The following DOCK3 variants were observed in gnomAD, a reference collection of about 807,000 sequenced individuals.
The protein encoded by DOCK3 is dedicator of cytokinesis protein 3.
In DOCK3, 60 loss-of-function variants were observed where a neutral mutation model predicts 265.6. The ratio of observed to expected loss-of-function variants is 0.23; its 90% confidence interval spans 0.18 to 0.28. The LOEUF (loss-of-function observed/expected upper bound fraction) is 0.28. Among genes scored for constraint, DOCK3 ranks in the 10% least tolerant of loss-of-function variants. The probability of loss-of-function intolerance (pLI) is 1.00; values close to 1 mark genes in which losing one functional copy is unlikely to be tolerated. For synonymous variants in DOCK3, 881 were observed against 938.0 expected (o/e 0.94, Z 1.11); for missense variants, 1,981 against 2,594.3 (o/e 0.76, Z 5.14).
chr3:51,114,403 C>T (rs974268801), intron 9 of DOCK3, among the ~76,000 whole-genome samples: 7 of 152,152 alleles, frequency 4.6e-5, no homozygotes, highest in Admixed American at 6.5e-5. Flanking sequence ...TTATTTCACA[C>T]CAGCATCAAT....
intron 5 of DOCK3, among the ~76,000 whole-genome samples, chr3:50,981,524 C>T (rs572085732): frequency 6.1e-4 from 93 of 152,278 alleles, no homozygotes; most frequent in South Asian, 2.3e-3. Context: ...AATGATCCAT[C>T]CAATGCTGAG....
At chr3:51,047,928 A>G (rs2080841069) in intron 5 of DOCK3, among the ~76,000 whole-genome samples, 1 of 152,184 alleles carries the variant, frequency 6.6e-6, no homozygotes, top group South Asian at 2.1e-4. Flanking sequence ...AAAGACGCTA[A>G]AAGAAAAGAT....
intron 10 of DOCK3, among the ~76,000 whole-genome samples, chr3:51,152,236 T>C (rs2107406102): frequency 6.6e-6 from 1 of 152,338 alleles, no homozygotes; most frequent in East Asian, 1.9e-4. Context: ...CTTTATTTCA[T>C]TAATTTTATC....
chr3:51,149,396 G>C (rs920106670), intron 10 of DOCK3, among the ~76,000 whole-genome samples: 2 of 152,156 alleles, frequency 1.3e-5, no homozygotes, highest in African/African-American at 2.4e-5. Context: ...AGTGGTGAGA[G>C]AGGGCATCCC....
At chr3:50,854,591 A>ATTTTTTTTTTTTTTTTTT (rs1559726991) in intron 3 of DOCK3, among the ~76,000 whole-genome samples, 46 of 4,312 alleles carry the variant, frequency 0.011, 7 homozygotes, top group African/African-American at 0.016. Flanking sequence ...CCATCACACC[A>ATTTTTTTTTTTTTTTTTT]GTTTTTTTTT....
chr3:51,166,613 T>C (rs2086420192), intron 12 of DOCK3, among the ~76,000 whole-genome samples: 1 of 152,230 alleles, frequency 6.6e-6, no homozygotes, highest in Non-Finnish European at 1.5e-5. Context: ...CTTCACACTC[T>C]TGTCATCACT....
At chr3:51,146,730 C>A in intron 10 of DOCK3, 100 bp downstream of exon 10, 1 of 1,045,304 alleles carries the variant, frequency 9.6e-7, no homozygotes, top group Non-Finnish European at 1.4e-6. Context: ...GTCTTATTTC[C>A]ATATACACTG....
chr3:50,751,362 GTCA>G (rs1368695718), intron 1 of DOCK3, among the ~76,000 whole-genome samples: 2 of 151,664 alleles, frequency 1.3e-5, no homozygotes, highest in South Asian at 2.1e-4. Flanking sequence ...CTATCAACCC[GTCA>G]TCTAGGTTTT....
intron 23 of DOCK3, among the ~76,000 whole-genome samples, chr3:51,270,257 A>G (rs1408434347): frequency 6.6e-6 from 1 of 152,196 alleles, no homozygotes; most frequent in Non-Finnish European, 1.5e-5. Context: ...GGCATCACTT[A>G]TGAAGAAAAT....
chr3:50,867,262 T>C (rs1341762790), intron 3 of DOCK3, among the ~76,000 whole-genome samples: 1 of 152,208 alleles, frequency 6.6e-6, no homozygotes, highest in Non-Finnish European at 1.5e-5. Context: ...TACTGATTTT[T>C]GTATGTTCAT....
intron 5 of DOCK3, among the ~76,000 whole-genome samples, chr3:51,044,252 A>G (rs2080663562): frequency 6.6e-6 from 1 of 152,196 alleles, no homozygotes; most frequent in South Asian, 2.1e-4. Flanking sequence ...CAGCCATACA[A>G]AAGAATGAGA....
At chr3:50,722,858 T>A (rs2037561960) in intron 1 of DOCK3, among the ~76,000 whole-genome samples, 1 of 150,882 alleles carries the variant, frequency 6.6e-6, no homozygotes, top group African/African-American at 2.4e-5. Context: ...TGCAGCCTCT[T>A]CCTCCTGGGC....
rs879702583 is a variant in DOCK3, at chr3:51,335,237, TA to T, written c.3611+1996del. Among the ~76,000 whole-genome samples the T allele has an allele frequency of 3.2e-3, 423 of 134,178 alleles. 2 individuals are homozygous for T. The highest frequency in any genetic ancestry group is 7.5e-3 in the Middle Eastern group (2 of 266). 88.0% of individuals were successfully genotyped at this position (134,178 alleles called of 152,430 possible). On this transcript the variant is annotated intron_variant, in intron 35 of 52. Coordinates refer to ENST00000266037, the MANE Select transcript of DOCK3 (RefSeq NM_004947.5). ...GTACCCTAGAACTTAAAATATAATTTAAAAAAAAAAAAGAAAAAGCCAAAAA... is the reference window on the plus strand; with the variant it reads ...GTACCCTAGAACTTAAAATATAATTTAAAAAAAAAAAGAAAAAGCCAAAAA...
At chr3:51,351,427 T>G (rs568371557) in intron 40 of DOCK3, among the ~76,000 whole-genome samples, 2 of 152,296 alleles carry the variant, frequency 1.3e-5, no homozygotes, top group African/African-American at 4.8e-5. Flanking sequence ...AAAGCTAGTC[T>G]GCTAGCGGCA....
At chr3:51,260,359 G>T in intron 23 of DOCK3, 33 bp downstream of exon 23, 2 of 1,564,412 alleles carry the variant, frequency 1.3e-6, no homozygotes, top group Admixed American at 3.7e-5. Flanking sequence ...TTGATGCTGG[G>T]TTCCTCTTTC....
rs2077377018 is a variant in DOCK3, at chr3:50,974,817, G to A, written c.315+40740G>A. ...TGTTTGTATCATCTTTTATTTCATT[G>A]AGCAGTGGTTTGTAGTTCTCCTTGA... On this transcript the variant is annotated intron_variant, in intron 5 of 52. Coordinates refer to ENST00000266037, the MANE Select transcript of DOCK3 (RefSeq NM_004947.5). Among the ~76,000 whole-genome samples the A allele has an allele frequency of 2.1e-5, 3 of 143,346 alleles. No individual in the cohort carries two copies. The Admixed American group carries it at 2.1e-4, about 10-fold the overall frequency. 94.0% of individuals were successfully genotyped at this position (143,346 alleles called of 152,430 possible). A position where few individuals can be genotyped will look rare whatever the true frequency, so the allele number is the denominator to read the frequency against.
At chr3:51,261,939 A>G (rs1350649880) in intron 23 of DOCK3, among the ~76,000 whole-genome samples, 1 of 152,126 alleles carries the variant, frequency 6.6e-6, no homozygotes, top group Non-Finnish European at 1.5e-5. Flanking sequence ...TCCAACTCCC[A>G]TCTCCCTGGG....
At chr3:51,369,399 A>C (rs1409084415) in intron 49 of DOCK3, among the ~76,000 whole-genome samples, 4 of 152,264 alleles carry the variant, frequency 2.6e-5, no homozygotes, top group African/African-American at 9.6e-5. Flanking sequence ...TGATGCATGC[A>C]CAAGCTTCAG....
chr3:50,909,041 C>CT (rs1032789378), intron 4 of DOCK3, among the ~76,000 whole-genome samples: 9 of 150,968 alleles, frequency 6.0e-5, no homozygotes, highest in South Asian at 4.2e-4. Flanking sequence ...GTGATCCCTG[C>CT]TTTTTTTTTG....
Sources: gnomAD v4.1 joint callset for allele counts (sites outside exome capture counted in the v4.1 genomes callset) on GRCh38, gnomAD v4.1.1 for gene constraint, MANE v1.5 for transcripts, NCBI Gene and HGNC (gene_info 2026-07-23, HGNC 2026-07-21) for gene names.